Variants in LCP2 observed in about 807,000 individuals in gnomAD.
LCP2 encodes the protein lymphocyte cytosolic protein 2, also known as 76 kDa tyrosine phosphoprotein.
Under a neutral mutation model 74.5 loss-of-function variants are expected in LCP2, and 29 were observed. That is an observed-to-expected ratio of 0.39 (90% CI 0.29 to 0.53). The LOEUF (loss-of-function observed/expected upper bound fraction) is 0.53. Among genes scored for constraint, LCP2 ranks in the 20% least tolerant of loss-of-function variants. LCP2 has a pLI of 0.72. For missense variants in LCP2, 604 were observed against 634.6 expected (o/e 0.95, Z 0.52); for synonymous variants, 228 against 229.5 (o/e 0.99, Z 0.06).
At position 170,275,337 on chromosome 5, in the gene LCP2, C is replaced by T. The variant is rs779816058; in HGVS notation, c.269G>A (p.Arg90Gln). 24 of 1,613,860 alleles carry T rather than the reference C, an allele frequency of 1.5e-5. No homozygotes were observed. Among genetic ancestry groups the T allele is most frequent in the Admixed American group, 8.3e-5 (5 of 60,010 alleles). ...SIFTRKPQVP[R>Q]FPEETESHEE... ...AGCTTTACCTGTCTCTTCAGGAAAC[C>T]GCGGGACTTGGGGTCTGCAAAGGTA... is the stretch of plus-strand genomic sequence containing the variant. Residue 90 changes from arginine to glutamine, a missense_variant, in exon 5 of 21, where the codon CGG becomes CAG. Coordinates refer to ENST00000046794, the MANE Select transcript of LCP2 (RefSeq NM_005565.5).
intron 3 of LCP2, among the ~76,000 whole-genome samples, chr5:170,279,368 C>T (rs1455561865): frequency 6.6e-6 from 1 of 152,200 alleles, no homozygotes; most frequent in African/African-American, 2.4e-5. Flanking sequence ...ACAGGGCCTG[C>T]AGGCACAGAC....
intron 13 of LCP2, among the ~76,000 whole-genome samples, chr5:170,261,968 A>G (rs1290754499): frequency 4.6e-5 from 7 of 152,132 alleles, no homozygotes; most frequent in Non-Finnish European, 1.0e-4. Flanking sequence ...TCCATTACTG[A>G]GGAGGTTTTT....
chr5:170,277,743 C>CAAAAAA (rs371915364), intron 3 of LCP2, among the ~76,000 whole-genome samples: 13 of 117,660 alleles, frequency 1.1e-4, no homozygotes, highest in East Asian at 3.5e-4. Flanking sequence ...AACTTCGTCT[C>CAAAAAA]AAAAAAAAAA....
chr5:170,250,209 C>G (rs189620140), intron 20 of LCP2, among the ~76,000 whole-genome samples: 1 of 152,270 alleles, frequency 6.6e-6, no homozygotes, highest in Non-Finnish European at 1.5e-5. Context: ...TTCTGATTAG[C>G]ACTCAAAAAG....
chr5:170,262,853 A>G lies in LCP2; in HGVS notation c.807T>C (p.Ile269=). The part of the protein sequence containing the change: ...KKPPFSDKPS[I]PAGRSLGEHL... Reference sequence around the variant, plus strand: ...TGCAACAGTCTTACCTTCCCGCTGGAATCGAGGGCTGCAAGACAGGAGGAA... The same window carrying G: ...TGCAACAGTCTTACCTTCCCGCTGGGATCGAGGGCTGCAAGACAGGAGGAA... The change falls in exon 12 of 21, where the codon ATT becomes ATC. Residue 269 remains isoleucine, a synonymous_variant. Transcript: ENST00000046794. The G allele has an allele frequency of 1.2e-6, 2 of 1,614,090 alleles. No individual in the cohort carries two copies. The highest frequency in any genetic ancestry group is 1.7e-6 in the Non-Finnish European group (2 of 1,179,912).
intron 3 of LCP2, among the ~76,000 whole-genome samples, chr5:170,287,122 A>T (rs1762195478): frequency 6.6e-6 from 1 of 152,216 alleles, no homozygotes; most frequent in African/African-American, 2.4e-5. Flanking sequence ...AACATATGAT[A>T]TCTGATTTGC....
rs532828301 is a variant in LCP2 at position 170,258,133 on chromosome 5, A to T, written c.1004T>A (p.Leu335His). The T allele has an allele frequency of 6.2e-7, 1 of 1,613,860 alleles. No homozygotes were observed. The highest frequency in any genetic ancestry group is 2.2e-5 in the East Asian group (1 of 44,898). Residue 335 changes from leucine (L) to histidine (H), a missense_variant, in exon 16 of 21, where the codon CTT becomes CAT. Physicochemically the swap from Leu to His is moderately conservative, Grantham distance 99. Transcript: ENST00000046794. ...AGGGAAAGTGTTGGAGCTCATAGGAAGTAGTGCTGGCTGGGGCAAAGGTCT... is the reference window on the plus strand; with the variant it reads ...AGGGAAAGTGTTGGAGCTCATAGGATGTAGTGCTGGCTGGGGCAAAGGTCT... ...HQRPLPQPAL[L>H]PMSSNTFPSR...
intron 15 of LCP2, chr5:170,258,386 T>A: frequency 2.1e-6 from 1 of 474,928 alleles, no homozygotes. Context: ...GGCGCAGATC[T>A]AGATGATACT....
intron 3 of LCP2, among the ~76,000 whole-genome samples, chr5:170,279,695 G>C (rs1762068137): frequency 6.6e-6 from 1 of 152,198 alleles, no homozygotes; most frequent in Non-Finnish European, 1.5e-5. Context: ...TCTTGACACT[G>C]ATGAAATTGT....
rs958146369 is a variant in LCP2 at position 170,247,721 on chromosome 5, C to T, written c.*976G>A. On this transcript the variant is annotated 3_prime_UTR_variant, in exon 21 of 21. Coordinates refer to ENST00000046794, the MANE Select transcript of LCP2 (RefSeq NM_005565.5). ...AGAAGGGACTTTATGGCAGAGCTGTCAGGGGGATAACAAGAGACAGAAGAG... is the reference window on the plus strand; with the variant it reads ...AGAAGGGACTTTATGGCAGAGCTGTTAGGGGGATAACAAGAGACAGAAGAG... The T allele has an allele frequency of 6.6e-6, 1 of 152,110 alleles. No individual in the cohort carries two copies. The highest frequency in any genetic ancestry group is 2.4e-5 in the African/African-American group (1 of 41,416). 9.4% of individuals were successfully genotyped at this position (152,110 alleles called of 1,614,324 possible).
intron 14 of LCP2, among the ~76,000 whole-genome samples, chr5:170,260,161 C>G (rs1050822192): frequency 6.6e-6 from 1 of 152,218 alleles, no homozygotes; most frequent in Non-Finnish European, 1.5e-5. Context: ...CTCACCTCCT[C>G]TAGGAAGTCA....
At chr5:170,297,503 T>A (rs774872712) in intron 1 of LCP2, 31 bp downstream of exon 1, 1 of 1,596,198 alleles carries the variant, frequency 6.3e-7, no homozygotes, top group South Asian at 1.1e-5. Flanking sequence ...GGCACTAGCA[T>A]CATGACCATT....
rs1403525967 is a variant in LCP2 at position 170,248,717 on chromosome 5, G to A, written c.1582C>T (p.His528Tyr). Reference sequence around the variant, plus strand: ...ACTTGCTATGGGTACCCTGCAGCATGCGTTAATGTGCACTGGTATCTGGAA... The same window carrying A: ...ACTTGCTATGGGTACCCTGCAGCATACGTTAATGTGCACTGGTATCTGGAA... ...RGSRYQCTLT[H>Y]AAGYP Residue 528 changes from histidine to tyrosine, a missense_variant, in exon 21 of 21, where the codon CAT (histidine) becomes TAT (tyrosine). Coordinates refer to ENST00000046794, the MANE Select transcript of LCP2 (RefSeq NM_005565.5). The A allele has an allele frequency of 6.2e-7, 1 of 1,611,876 alleles. No individual in the cohort carries two copies. Among genetic ancestry groups the A allele is most frequent in the Admixed American group, 1.7e-5 (1 of 59,516 alleles).
chr5:170,253,128 C>T lies in LCP2; in HGVS notation c.1236G>A (p.Ala412=), dbSNP rs373084459. The change falls in exon 18 of 21, where the codon GCG becomes GCA. Residue 412 remains alanine (A), a synonymous_variant. Coordinates refer to ENST00000046794, the MANE Select transcript of LCP2 (RefSeq NM_005565.5). ...AAACATGCTCTCTTACCTCTTCCTC[C>T]GCGGGGGATGGGGGCCGAGGTTTGT... is the stretch of plus-strand genomic sequence containing the variant. ...LPNKPRPPSP[A]EEENSLNEEW... 7.7e-5 allele frequency: 124 copies of T among 1,607,672 alleles called. 1 individual carries two copies. The highest frequency in any genetic ancestry group is 2.4e-4 in the African/African-American group (18 of 74,930).
intron 3 of LCP2, among the ~76,000 whole-genome samples, chr5:170,276,316 ACC>A (rs553739358): frequency 1.8e-3 from 279 of 152,184 alleles, no homozygotes; most frequent in South Asian, 3.5e-3. Context: ...CATCATCTAG[ACC>A]CACAGGAATC....
chr5:170,266,717 T>C (rs1018523446), intron 10 of LCP2, 91 bp downstream of exon 10: 9 of 1,091,768 alleles, frequency 8.2e-6, no homozygotes, highest in Non-Finnish European at 1.1e-5. Flanking sequence ...GTGGCCATAG[T>C]TAAATGAGAT....
chr5:170,272,597 CTTTTTTTTTTTTTT>C (rs61463939), intron 6 of LCP2, among the ~76,000 whole-genome samples: 631 of 40,378 alleles, frequency 0.016, 16 homozygotes, highest in African/African-American at 0.047. Context: ...CAAATATTTT[CTTTTTTTTTTTTTT>C]TTTTTTTTTT....
At chr5:170,269,608 G>T (rs1451735791) in intron 7 of LCP2, among the ~76,000 whole-genome samples, 1 of 152,144 alleles carries the variant, frequency 6.6e-6, no homozygotes, top group Non-Finnish European at 1.5e-5. Context: ...TTTAACCTTG[G>T]TTTAATATCA....
At position 170,272,667 on chromosome 5, in the gene LCP2, C is replaced by T. The variant is rs868532178; in HGVS notation, c.324+1634G>A. Among the ~76,000 whole-genome samples, 46 of 114,822 alleles carry T rather than the reference C, an allele frequency of 4.0e-4. 1 individual carries two copies. Among genetic ancestry groups the T allele is most frequent in the African/African-American group, 1.3e-3 (40 of 29,638 alleles). The allele number at this position is 114,822 out of a possible 152,430, so 75.3% of individuals were successfully genotyped here. A position where few individuals can be genotyped will look rare whatever the true frequency, so the allele number is the denominator to read the frequency against. ...TCTCTGTCACCAGGCTGGAGTAGTG[C>T]AATGGTGCAATCTCGGCTTACTGCA... On this transcript the variant is annotated intron_variant, in intron 6 of 20. Transcript: ENST00000046794.
Sources: gnomAD v4.1 joint callset for allele counts (sites outside exome capture counted in the v4.1 genomes callset) on GRCh38, gnomAD v4.1.1 for gene constraint, MANE v1.5 for transcripts, NCBI Gene and HGNC (gene_info 2026-07-23, HGNC 2026-07-21) for gene names.